Variants in ELMOD1 observed in about 807,000 individuals in gnomAD.
ELMOD1 encodes ELMO domain containing 1.
A neutral mutation model predicts 46.7 loss-of-function variants in ELMOD1; 21 were observed. The observed-to-expected ratio is 0.45, with a 90% confidence interval of 0.32 to 0.65. The LOEUF (loss-of-function observed/expected upper bound fraction) is 0.65, where lower values mean the gene tolerates loss of function less well. ELMOD1 is among the 30% of genes least tolerant of loss of function. The probability of loss-of-function intolerance (pLI) is 0.04; values close to 1 mark genes in which losing one functional copy is unlikely to be tolerated. For synonymous variants in ELMOD1, 122 were observed against 138.2 expected (o/e 0.88, Z 0.82); for missense variants, 348 against 407.8 (o/e 0.85, Z 1.26).
intron 1 of ELMOD1, among the ~76,000 whole-genome samples, chr11:107,607,584 G>A (rs1174425515): frequency 6.6e-6 from 1 of 152,092 alleles, no homozygotes; most frequent in Non-Finnish European, 1.5e-5. Context: ...CTTGAGCCTG[G>A]GGGTCCAGGC....
At chr11:107,635,998 T>C (rs1032542635) in intron 6 of ELMOD1, among the ~76,000 whole-genome samples, 1 of 152,222 alleles carries the variant, frequency 6.6e-6, no homozygotes, top group African/African-American at 2.4e-5. Flanking sequence ...TTTTGTAATC[T>C]GAGAAAACGT....
At chr11:107,616,469 T>C (rs1865865450) in intron 1 of ELMOD1, among the ~76,000 whole-genome samples, 1 of 152,088 alleles carries the variant, frequency 6.6e-6, no homozygotes. Flanking sequence ...AACCTCCACC[T>C]CCCGGTTCAA....
chr11:107,595,604 T>C (rs904858089), intron 1 of ELMOD1, among the ~76,000 whole-genome samples: 1 of 152,152 alleles, frequency 6.6e-6, no homozygotes, highest in South Asian at 2.1e-4. Flanking sequence ...TTAACTGAAA[T>C]TGTGTGCCCA....
rs184662672 is a variant in ELMOD1, at chr11:107,602,322, G to T, written c.-86+10913G>T. Among the ~76,000 whole-genome samples, 170 of 152,228 alleles carry T rather than the reference G, an allele frequency of 1.1e-3. 1 individual carries two copies. Among genetic ancestry groups the T allele is most frequent in the African/African-American group, 4.0e-3 (165 of 41,534 alleles). On this transcript the variant is annotated intron_variant, in intron 1 of 11. Transcript: ENST00000265840. ...TGGTGAGGATCTTTTGTTATTCAAG[G>T]AGCTGGGTACCCTGTGGGTCTTTTT... is the stretch of plus-strand genomic sequence containing the variant.
chr11:107,634,890 C>T (rs369871503), intron 5 of ELMOD1, among the ~76,000 whole-genome samples: 3 of 152,202 alleles, frequency 2.0e-5, no homozygotes, highest in South Asian at 2.1e-4. Flanking sequence ...AATAAATTTG[C>T]TCAGAGAACG....
chr11:107,626,203 C>A (rs1036718110), intron 2 of ELMOD1, among the ~76,000 whole-genome samples: 1 of 151,746 alleles, frequency 6.6e-6, no homozygotes, highest in Non-Finnish European at 1.5e-5. Flanking sequence ...TATTGGTTTC[C>A]TGATTCAGCC....
At position 107,665,038 on chromosome 11, in the gene ELMOD1, T is replaced by G. The variant is rs373639517; in HGVS notation, c.846T>G (p.His282Gln). The G allele has an allele frequency of 9.3e-6, 15 of 1,613,180 alleles. No individual in the cohort carries two copies. The highest frequency in any genetic ancestry group is 1.3e-5 in the African/African-American group (1 of 74,886). ...TGTCTCCAACAGGCTATTTGATGCA[T>G]GAATTTCATAAGTTTTGGATCGAAG... ...HFQQTFCYLM[H>Q]EFHKFWIEED... Residue 282 changes from histidine (H) to glutamine (Q), a missense_variant, in exon 12 of 12, where the codon CAT becomes CAG. Coordinates refer to ENST00000265840, the MANE Select transcript of ELMOD1 (RefSeq NM_018712.4).
chr11:107,615,985 CTTTTTTTTTTT>C (rs57135460), intron 1 of ELMOD1, among the ~76,000 whole-genome samples: 4 of 74,046 alleles, frequency 5.4e-5, no homozygotes, highest in Admixed American at 1.9e-4. Flanking sequence ...CAGGTTTTTC[CTTTTTTTTTTT>C]TTTTTTTTTT....
At chr11:107,632,308 G>A (rs938869272) in intron 5 of ELMOD1, among the ~76,000 whole-genome samples, 1 of 152,180 alleles carries the variant, frequency 6.6e-6, no homozygotes, top group Non-Finnish European at 1.5e-5. Flanking sequence ...AGGACACTGG[G>A]TAGAATAAAT....
At chr11:107,643,732 A>G (rs1866367936) in intron 6 of ELMOD1, 1 of 499,140 alleles carries the variant, frequency 2.0e-6, no homozygotes, top group South Asian at 1.6e-5. Flanking sequence ...TTTTGTCAGT[A>G]TTGGAGCAAT....
intron 1 of ELMOD1, among the ~76,000 whole-genome samples, chr11:107,609,343 G>T (rs945349056): frequency 2.0e-5 from 3 of 152,290 alleles, no homozygotes; most frequent in Admixed American, 2.0e-4. Flanking sequence ...TATTTACTTT[G>T]TAGATTACCT....
chr11:107,639,788 G>A (rs1031943964), intron 6 of ELMOD1, among the ~76,000 whole-genome samples: 3 of 152,106 alleles, frequency 2.0e-5, no homozygotes, highest in Non-Finnish European at 2.9e-5. Context: ...CCTCCACTTC[G>A]CAGGTGGCTT....
chr11:107,618,040 A>G, intron 1 of ELMOD1, 65 bp from the exon 2 acceptor site: 1 of 827,524 alleles, frequency 1.2e-6, no homozygotes. Context: ...AGTAAGCAGA[A>G]ATTTTTGGTT....
chr11:107,601,024 TAC>T (rs1865588498), intron 1 of ELMOD1, among the ~76,000 whole-genome samples: 1 of 152,174 alleles, frequency 6.6e-6, no homozygotes, highest in Non-Finnish European at 1.5e-5. Flanking sequence ...AAGGAACACT[TAC>T]ACATCATTTA....
At position 107,624,942 on chromosome 11, in the gene ELMOD1, T is replaced by C. The variant is rs189192938; in HGVS notation, c.18-5475T>C. Among the ~76,000 whole-genome samples, 709 of 152,278 alleles carry C rather than the reference T, an allele frequency of 4.7e-3. 3 individuals are homozygous for C. The highest frequency in any genetic ancestry group is 7.6e-3 in the Non-Finnish European group (520 of 68,018). ...ATTTTTACTTTTTCGGAAGTTAGTG[T>C]GATCTCTTCAGAAAAAGAATAATGT... On this transcript the variant is annotated intron_variant, in intron 2 of 11. Coordinates refer to ENST00000265840, the MANE Select transcript of ELMOD1 (RefSeq NM_018712.4).
chr11:107,635,209 A>G (rs1373345587), intron 5 of ELMOD1, among the ~76,000 whole-genome samples: 2 of 152,154 alleles, frequency 1.3e-5, no homozygotes, highest in Non-Finnish European at 2.9e-5. Context: ...GGGGTGCTAT[A>G]TAATCCCTAA....
chr11:107,663,445 G>C (rs1408724760), intron 11 of ELMOD1, among the ~76,000 whole-genome samples: 1 of 151,768 alleles, frequency 6.6e-6, no homozygotes, highest in African/African-American at 2.4e-5. Context: ...AGGAGTTCAA[G>C]GACAGCCTGA....
rs73557732 is a variant in ELMOD1, at chr11:107,604,517, G to A, written c.-86+13108G>A. Among the ~76,000 whole-genome samples, 757 of 152,260 alleles carry A rather than the reference G, an allele frequency of 5.0e-3. 6 individuals are homozygous for A. The highest frequency in any genetic ancestry group is 0.018 in the African/African-American group (735 of 41,560). ...TTGGAAGTAAGTAGGCTTCAGTCTT[G>A]CTATGTTTCATTGATTCTAAGATAC... is the stretch of plus-strand genomic sequence containing the variant. On this transcript the variant is annotated intron_variant, in intron 1 of 11. Transcript: ENST00000265840.
intron 1 of ELMOD1, among the ~76,000 whole-genome samples, chr11:107,614,334 T>C (rs1393796536): frequency 6.6e-6 from 1 of 152,174 alleles, no homozygotes; most frequent in Non-Finnish European, 1.5e-5. Context: ...CATATTACAA[T>C]CAGAGTATTT....
Sources: allele counts gnomAD v4.1 joint callset (sites outside exome capture counted in the v4.1 genomes callset), GRCh38; gene constraint gnomAD v4.1.1; transcripts MANE v1.5; gene names NCBI Gene and HGNC (gene_info 2026-07-23, HGNC 2026-07-21).